The following HMBOX1 variants were observed in gnomAD, a reference collection of about 807,000 sequenced individuals.
HMBOX1 encodes the protein homeobox containing 1.
Under a neutral mutation model 54.5 loss-of-function variants are expected in HMBOX1, and 14 were observed. The observed-to-expected ratio is 0.26, with a 90% CI of 0.17 to 0.40. HMBOX1 has a LOEUF of 0.40. Among genes scored for constraint, HMBOX1 ranks in the 10% least tolerant of loss-of-function variants. HMBOX1 has a pLI of 1.00. For synonymous variants in HMBOX1, 160 were observed against 181.0 expected, an observed-to-expected ratio of 0.88 and a Z score of 0.93; for missense variants, 332 against 514.4, an observed-to-expected ratio of 0.65 and a Z score of 3.43.
intron 1 of HMBOX1, among the ~76,000 whole-genome samples, chr8:28,952,495 A>G (rs759038672): frequency 2.6e-5 from 4 of 152,208 alleles, no homozygotes; most frequent in Non-Finnish European, 4.4e-5. Flanking sequence ...GGGCCTCCCA[A>G]AGTGCTGGGA....
chr8:28,893,744 T>A (rs1811504779), intron 1 of HMBOX1, among the ~76,000 whole-genome samples: 1 of 152,218 alleles, frequency 6.6e-6, no homozygotes, highest in South Asian at 2.1e-4. Flanking sequence ...GTGGCAAGTG[T>A]TGATTGGAAT....
chr8:28,997,187 C>T (rs1831991678), intron 4 of HMBOX1, among the ~76,000 whole-genome samples: 1 of 152,292 alleles, frequency 6.6e-6, no homozygotes, highest in Middle Eastern at 3.4e-3. Flanking sequence ...TGTTCCTGAT[C>T]TTAGGGAAAG....
chr8:28,916,537 G>A (rs1049530079), intron 1 of HMBOX1, among the ~76,000 whole-genome samples: 17 of 152,128 alleles, frequency 1.1e-4, no homozygotes, highest in African/African-American at 4.1e-4. Context: ...AGATTTCCAC[G>A]TGTTCTAGCT....
At chr8:29,009,027 CT>C (rs1469744811) in intron 4 of HMBOX1, 44 bp from the exon 5 acceptor site, 1 of 1,424,322 alleles carries the variant, frequency 7.0e-7, no homozygotes, top group Admixed American at 1.7e-5. Flanking sequence ...ATTAATTTCA[CT>C]GTAATTTCAG....
intron 4 of HMBOX1, among the ~76,000 whole-genome samples, chr8:29,005,444 T>A (rs1472301730): frequency 6.6e-6 from 1 of 152,258 alleles, no homozygotes; most frequent in African/African-American, 2.4e-5. Flanking sequence ...GAATTTAGAA[T>A]ATGTAACATT....
upstream of HMBOX1, chr8:28,890,184 G>A (rs762777252): frequency 3.6e-5 from 15 of 413,546 alleles, no homozygotes; most frequent in Non-Finnish European, 6.3e-5. Flanking sequence ...TCTTCCTTAC[G>A]GGCCTGGGGC....
chr8:28,913,855 C>CTT (rs1304959910), intron 1 of HMBOX1, among the ~76,000 whole-genome samples: 65 of 101,314 alleles, frequency 6.4e-4, no homozygotes, highest in Non-Finnish European at 8.4e-4. Flanking sequence ...TCAAGTGATT[C>CTT]TTTTTTTTTT....
intron 1 of HMBOX1, among the ~76,000 whole-genome samples, chr8:28,894,559 T>G (rs1254312085): frequency 2.0e-5 from 3 of 152,208 alleles, no homozygotes; most frequent in Non-Finnish European, 4.4e-5. Flanking sequence ...TATTAGTAAG[T>G]AAGACGTAGC....
Position 29,052,593 on chromosome 8 carries a change from C to T in HMBOX1, c.*1438C>T, listed in dbSNP as rs1427862969. The T allele has an allele frequency of 3.3e-5, 5 of 151,770 alleles. No individual in the cohort carries two copies. The highest frequency in any genetic ancestry group is 3.2e-3 in the Middle Eastern group (1 of 316). The allele number at this position is 151,770 out of a possible 1,614,324, so 9.4% of individuals were successfully genotyped here. ...ACAGTGAACTTGCATTCTAAAGTCA[C>T]CCTGTGATCACCTTGTCATCTAGTA... is the stretch of plus-strand genomic sequence containing the variant. On this transcript the variant is annotated 3_prime_UTR_variant, in exon 10 of 10. Coordinates refer to ENST00000287701, the MANE Select transcript of HMBOX1 (RefSeq NM_001135726.3).
At chr8:28,907,241 G>A (rs1052712989) in intron 1 of HMBOX1, among the ~76,000 whole-genome samples, 1 of 152,102 alleles carries the variant, frequency 6.6e-6, no homozygotes, top group Admixed American at 6.6e-5. Flanking sequence ...TTCTTGAAAG[G>A]ACCAGAAATA....
At chr8:28,931,884 C>T (rs1018525818) in intron 1 of HMBOX1, among the ~76,000 whole-genome samples, 7 of 152,094 alleles carry the variant, frequency 4.6e-5, no homozygotes, top group African/African-American at 1.7e-4. Flanking sequence ...AAAACAAGCA[C>T]CTTTTATGTG....
intron 3 of HMBOX1, among the ~76,000 whole-genome samples, chr8:28,978,843 C>T (rs977054454): frequency 1.5e-5 from 2 of 137,468 alleles, no homozygotes; most frequent in African/African-American, 5.4e-5. Flanking sequence ...AGACAGAAAA[C>T]AAACAGCCAC....
chr8:28,931,701 C>T (rs1438453263), intron 1 of HMBOX1, among the ~76,000 whole-genome samples: 2 of 152,004 alleles, frequency 1.3e-5, no homozygotes, highest in Non-Finnish European at 2.9e-5. Flanking sequence ...ACCACTGTGC[C>T]CAGCTTATTT....
At chr8:28,990,423 G>A (rs904746328) in intron 4 of HMBOX1, among the ~76,000 whole-genome samples, 1 of 151,994 alleles carries the variant, frequency 6.6e-6, no homozygotes, top group Admixed American at 6.5e-5. Flanking sequence ...TGCTTTTTCT[G>A]CATCTGTTGA....
Position 29,045,444 on chromosome 8 carries a change from G to A in HMBOX1, c.934+1G>A. On this transcript the variant is annotated splice_donor_variant, in intron 7 of 9. Coordinates refer to ENST00000287701, the MANE Select transcript of HMBOX1 (RefSeq NM_001135726.3). LOFTEE classifies it high-confidence loss of function. The stretch of plus-strand genomic sequence containing the variant: ...TGCAATGCAGTTATACAGAAGCCAG[G>A]TAAGGTCGCAGGCACAGCCTTGCTC... The A allele has an allele frequency of 6.2e-7, 1 of 1,613,336 alleles. No homozygotes were observed. Among genetic ancestry groups the A allele is most frequent in the Non-Finnish European group, 8.5e-7 (1 of 1,179,312 alleles).
rs565670168 is a variant in HMBOX1, at chr8:28,949,308, G to C, written c.-57-14503G>C. On this transcript the variant is annotated intron_variant, in intron 1 of 9. Transcript: ENST00000287701. ...GGTATTTTTTAGCTACCTTGGTGGA[G>C]GGGTGGGGCACCTGCAGGCTTAACA... Among the ~76,000 whole-genome samples the C allele has an allele frequency of 1.9e-4, 29 of 152,332 alleles. No individual in the cohort carries two copies. In the South Asian group the frequency reaches 6.0e-3, roughly 32 times the overall value.
intron 4 of HMBOX1, among the ~76,000 whole-genome samples, chr8:29,003,555 A>AATATATAT (rs71222586): frequency 0.029 from 2,083 of 71,280 alleles, 161 homozygotes; most frequent in African/African-American, 0.052. Flanking sequence ...TTCTGTATTA[A>AATATATAT]ATATATATAT....
intron 1 of HMBOX1, among the ~76,000 whole-genome samples, chr8:28,892,406 A>G (rs997709898): frequency 1.3e-5 from 2 of 152,208 alleles, no homozygotes; most frequent in African/African-American, 4.8e-5. Context: ...ATTTAAGGTC[A>G]TATTTTGTAC....
intron 4 of HMBOX1, among the ~76,000 whole-genome samples, chr8:29,007,461 A>G (rs1166799343): frequency 6.6e-6 from 1 of 152,164 alleles, no homozygotes; most frequent in East Asian, 1.9e-4. Flanking sequence ...TGCTGTGTGA[A>G]TTATTTGAGA....
Sources: gnomAD v4.1 joint callset for allele counts (sites outside exome capture counted in the v4.1 genomes callset) on GRCh38, gnomAD v4.1.1 for gene constraint, MANE v1.5 for transcripts, NCBI Gene and HGNC (gene_info 2026-07-23, HGNC 2026-07-21) for gene names.